PCSK2: variants seen among roughly 807,000 people sequenced by gnomAD.
PCSK2 encodes neuroendocrine convertase 2.
PCSK2 carries 14 observed loss-of-function variants against 69.7 expected under a neutral mutation model. That is an observed-to-expected ratio of 0.20 (90% CI 0.13 to 0.31). The LOEUF (loss-of-function observed/expected upper bound fraction) is 0.31. Ranked by LOEUF, PCSK2 falls within the 10% of genes least tolerant of loss-of-function variation. The pLI, the probability that PCSK2 is intolerant of heterozygous loss-of-function variation, is 1.00. For missense variants in PCSK2, 544 were observed against 842.5 expected (o/e 0.65, Z 4.39); for synonymous variants, 307 against 320.7 (o/e 0.96, Z 0.46).
intron 7 of PCSK2, among the ~76,000 whole-genome samples, chr20:17,434,406 A>G (rs1380741638): frequency 1.3e-5 from 2 of 152,046 alleles, no homozygotes; most frequent in East Asian, 1.9e-4. Context: ...TTAATACTGT[A>G]TCTCATTCAA....
At position 17,227,437 on chromosome 20, in the gene PCSK2, C is replaced by T. The variant is rs1383425066; in HGVS notation, c.132C>T (p.Asp44=). ...TGGAGTTGCATAAAGGGGGAGAGGA[C>T]AAAGCTCGCCAAGTTGCAGCAGAAC... ...FLVELHKGGE[D]KARQVAAEHG... is the part of the protein sequence containing the mutation. Residue 44 remains aspartate (D), a synonymous_variant, in exon 1 of 12, where the codon GAC becomes GAT. Transcript: ENST00000262545. The T allele has an allele frequency of 6.2e-7, 1 of 1,613,926 alleles. No homozygotes were observed.
chr20:17,429,548 G>T, intron 7 of PCSK2, 25 bp downstream of exon 7: 4 of 1,470,974 alleles, frequency 2.7e-6, no homozygotes, highest in Non-Finnish European at 3.8e-6. Context: ...CCAAACAGAG[G>T]CCCCCACTAG....
chr20:17,424,350 T>G (rs2032198619), intron 6 of PCSK2, among the ~76,000 whole-genome samples: 2 of 152,216 alleles, frequency 1.3e-5, no homozygotes, highest in Non-Finnish European at 2.9e-5. Context: ...TATGCATACC[T>G]GATTATAAGT....
chr20:17,251,981 G>A (rs999922259), intron 1 of PCSK2, among the ~76,000 whole-genome samples: 1 of 152,194 alleles, frequency 6.6e-6, no homozygotes, highest in Admixed American at 6.5e-5. Context: ...TCTCAATGTT[G>A]CCTGGGCTTC....
At chr20:17,473,155 G>A (rs561778822) in intron 11 of PCSK2, among the ~76,000 whole-genome samples, 4 of 132,088 alleles carry the variant, frequency 3.0e-5, no homozygotes, top group South Asian at 2.5e-4. Flanking sequence ...GTGCAGTAGC[G>A]TGATCTCAGC....
At chr20:17,342,767 G>A (rs1275540964) in intron 2 of PCSK2, among the ~76,000 whole-genome samples, 1 of 151,938 alleles carries the variant, frequency 6.6e-6, no homozygotes, top group Non-Finnish European at 1.5e-5. Context: ...AAGCACCTGG[G>A]ACTATAGGTG....
chr20:17,402,466 G>A (rs2031660016), intron 5 of PCSK2, among the ~76,000 whole-genome samples: 1 of 150,684 alleles, frequency 6.6e-6, no homozygotes, highest in African/African-American at 2.4e-5. Context: ...TGGAGTTCGA[G>A]ACCAGCCTGG....
At position 17,227,492 on chromosome 20, in the gene PCSK2, C is replaced by G. The variant is rs768105744; in HGVS notation, c.177+10C>G. 3.1e-6 allele frequency: 5 copies of G among 1,608,992 alleles called. No homozygotes were observed. Among genetic ancestry groups the G allele is most frequent in the Non-Finnish European group, 4.3e-6 (5 of 1,175,924 alleles). On this transcript the variant is annotated intron_variant, in intron 1 of 11. Transcript: ENST00000262545. ...CTTTGGAGTCCGAAAGGTAAGCTCT[C>G]CCATGCATTTCGCATGTTGTTTCAA... is the stretch of plus-strand genomic sequence containing the variant.
chr20:17,475,076 G>C (rs911425665), intron 11 of PCSK2, among the ~76,000 whole-genome samples: 8 of 151,812 alleles, frequency 5.3e-5, no homozygotes, highest in African/African-American at 1.9e-4. Flanking sequence ...AACTGTAGGA[G>C]AGTGAGGGAT....
intron 5 of PCSK2, among the ~76,000 whole-genome samples, chr20:17,383,243 A>C (rs547151895): frequency 1.3e-5 from 2 of 152,120 alleles, no homozygotes; most frequent in East Asian, 3.9e-4. Context: ...CATAGCTCCT[A>C]TCTCTGTCTT....
chr20:17,433,414 T>C (rs1253819667), intron 7 of PCSK2, among the ~76,000 whole-genome samples: 2 of 152,230 alleles, frequency 1.3e-5, no homozygotes, highest in East Asian at 3.9e-4. Flanking sequence ...CCAGAGCTAA[T>C]ATTCATGAGC....
rs972060019 is a variant in PCSK2 at position 17,422,095 on chromosome 20, G to T, written c.621-7340G>T. Among the ~76,000 whole-genome samples the T allele has an allele frequency of 3.9e-5, 6 of 152,080 alleles. No homozygotes were observed. The South Asian group carries it at 8.3e-4, about 21-fold the overall frequency. ...TAGGCAAAAACAAAAGCATGGACAT[G>T]AAAAGAACCAATTGCAGCTGAAAAA... On this transcript the variant is annotated intron_variant, in intron 6 of 11. Coordinates refer to ENST00000262545, the MANE Select transcript of PCSK2 (RefSeq NM_002594.5).
At chr20:17,318,101 T>C (rs896454575) in intron 2 of PCSK2, among the ~76,000 whole-genome samples, 1 of 152,246 alleles carries the variant, frequency 6.6e-6, no homozygotes, top group African/African-American at 2.4e-5. Flanking sequence ...GGATGTGTTC[T>C]AAGATCTGCC....
At chr20:17,444,103 C>T (rs1477434840) in intron 8 of PCSK2, among the ~76,000 whole-genome samples, 2 of 152,226 alleles carry the variant, frequency 1.3e-5, no homozygotes, top group Non-Finnish European at 1.5e-5. Context: ...CTTCCACTGC[C>T]TGGTCTACTC....
At chr20:17,259,449 C>A (rs566696308) in intron 1 of PCSK2, among the ~76,000 whole-genome samples, 2 of 152,226 alleles carry the variant, frequency 1.3e-5, no homozygotes, top group African/African-American at 4.8e-5. Flanking sequence ...GAGAGGAAAC[C>A]ACTTGCCCAC....
intron 2 of PCSK2, among the ~76,000 whole-genome samples, chr20:17,329,164 TG>T (rs1990146786): frequency 6.6e-6 from 1 of 152,240 alleles, no homozygotes. Flanking sequence ...TCTTTGTATT[TG>T]GCAAAACTTC....
intron 10 of PCSK2, among the ~76,000 whole-genome samples, chr20:17,458,919 G>A (rs780002783): frequency 2.6e-5 from 4 of 152,030 alleles, no homozygotes; most frequent in African/African-American, 7.2e-5. Context: ...TGCCACCTTC[G>A]AATATTTAGG....
At chr20:17,421,807 T>TAAAAAAAAAAAAAAA (rs56376793) in intron 6 of PCSK2, among the ~76,000 whole-genome samples, 1 of 78,968 alleles carries the variant, frequency 1.3e-5, no homozygotes, top group Non-Finnish European at 2.3e-5. Context: ...GGAAGAGAGG[T>TAAAAAAAAAAAAAAA]AAAAAAAAAA....
rs565378855 is a variant in PCSK2, at chr20:17,442,020, A to C, written c.885+5137A>C. ...ATTGGTGTCCTTATTTAAAAGACAA[A>C]AAAAAAAAAAAAGAACAGGAACATC... is the stretch of plus-strand genomic sequence containing the variant. On this transcript the variant is annotated intron_variant, in intron 8 of 11. Coordinates refer to ENST00000262545, the MANE Select transcript of PCSK2 (RefSeq NM_002594.5). Among the ~76,000 whole-genome samples, 686 of 150,112 alleles carry C rather than the reference A, an allele frequency of 4.6e-3. 1 individual carries two copies. The highest frequency in any genetic ancestry group is 0.017 in the Middle Eastern group (5 of 286).
Sources: allele counts gnomAD v4.1 joint callset (sites outside exome capture counted in the v4.1 genomes callset), GRCh38; gene constraint gnomAD v4.1.1; transcripts MANE v1.5; gene names NCBI Gene and HGNC (gene_info 2026-07-23, HGNC 2026-07-21).